The following PRKCB variants were observed in gnomAD, a reference collection of about 807,000 sequenced individuals.
PRKCB encodes protein kinase C beta type.
PRKCB carries 13 observed loss-of-function variants against 81.5 expected under a neutral mutation model. That is an observed-to-expected ratio of 0.16 (90% CI 0.10 to 0.25). The LOEUF (loss-of-function observed/expected upper bound fraction) is 0.25, where lower values mean the gene tolerates loss of function less well. PRKCB is among the 10% of genes least tolerant of loss of function. The pLI is 1.00. For synonymous variants in PRKCB, 335 were observed against 321.4 expected (o/e 1.04, Z -0.45); for missense variants, 509 against 875.7 (o/e 0.58, Z 5.29).
At chr16:23,981,725 T>C (rs1464353653) in intron 2 of PRKCB, among the ~76,000 whole-genome samples, 6 of 56,700 alleles carry the variant, frequency 1.1e-4, no homozygotes, top group Admixed American at 2.4e-4. Context: ...CCCTTCCCCT[T>C]CCCTTCCCCT....
chr16:24,134,239 TC>T (rs1966858165), intron 9 of PRKCB, among the ~76,000 whole-genome samples: 1 of 152,112 alleles, frequency 6.6e-6, no homozygotes, highest in African/African-American at 2.4e-5. Flanking sequence ...CTTTCTTTCT[TC>T]CTTCCTTCCC....
chr16:23,906,436 G>A (rs771746072), intron 2 of PRKCB, among the ~76,000 whole-genome samples: 23 of 151,944 alleles, frequency 1.5e-4, no homozygotes, highest in Non-Finnish European at 3.1e-4. Flanking sequence ...TATATATAAT[G>A]TAATTTATAA....
intron 3 of PRKCB, among the ~76,000 whole-genome samples, chr16:24,025,322 G>C (rs1205111441): frequency 6.6e-6 from 1 of 152,202 alleles, no homozygotes; most frequent in Non-Finnish European, 1.5e-5. Context: ...TCGTCTCTTA[G>C]TTCTTCGGTT....
chr16:23,851,436 G>A (rs766092143), intron 2 of PRKCB, among the ~76,000 whole-genome samples: 1 of 152,074 alleles, frequency 6.6e-6, no homozygotes, highest in African/African-American at 2.4e-5. Context: ...TGTTCCATTG[G>A]TTGATGCATC....
chr16:23,887,322 AG>A (rs1308668847), intron 2 of PRKCB, among the ~76,000 whole-genome samples: 1 of 152,188 alleles, frequency 6.6e-6, no homozygotes, highest in Non-Finnish European at 1.5e-5. Flanking sequence ...AGTACCCAGT[AG>A]GTAGTTTTTA....
intron 3 of PRKCB, among the ~76,000 whole-genome samples, chr16:24,003,361 A>G (rs1403537766): frequency 2.7e-5 from 4 of 149,316 alleles, no homozygotes; most frequent in Non-Finnish European, 5.9e-5. Flanking sequence ...ACCCTAGTGG[A>G]GGAATTAGCC....
intron 16 of PRKCB, among the ~76,000 whole-genome samples, chr16:24,204,660 T>C (rs979346255): frequency 2.6e-5 from 4 of 152,296 alleles, no homozygotes. Context: ...TTCATCTAGT[T>C]TCTTTTAAAA....
chr16:24,028,665 T>G (rs1041761322), intron 3 of PRKCB, among the ~76,000 whole-genome samples: 9 of 152,270 alleles, frequency 5.9e-5, no homozygotes, highest in Non-Finnish European at 1.2e-4. Context: ...TTCATTCCTT[T>G]TTACTGCTGA....
intron 2 of PRKCB, among the ~76,000 whole-genome samples, chr16:23,931,670 G>A (rs181812628): frequency 2.7e-4 from 41 of 152,232 alleles, no homozygotes; most frequent in African/African-American, 8.9e-4. Context: ...ACCGAGACGG[G>A]GAGGTCAGGT....
chr16:23,918,436 A>G (rs1213509402), intron 2 of PRKCB, among the ~76,000 whole-genome samples: 6 of 151,758 alleles, frequency 4.0e-5, no homozygotes. Flanking sequence ...TCACTCTGTC[A>G]CCCAAGTTGG....
At position 24,058,386 on chromosome 16, in the gene PRKCB, A is replaced by G. The variant is rs147625951; in HGVS notation, c.529+22839A>G. On this transcript the variant is annotated intron_variant, in intron 5 of 16. Transcript: ENST00000643927. ...GCACAATTGACATGTACAGATGCAC[A>G]ATTAGAGTTTGCTGAGTAAATGGCT... Among the ~76,000 whole-genome samples, 974 of 152,256 alleles carry G rather than the reference A, an allele frequency of 6.4e-3. 16 individuals carry two copies. Among genetic ancestry groups the G allele is most frequent in the African/African-American group, 0.023 (935 of 41,552 alleles).
chr16:24,091,946 A>C (rs1325602293), intron 5 of PRKCB, among the ~76,000 whole-genome samples: 6 of 152,164 alleles, frequency 3.9e-5, no homozygotes, highest in Non-Finnish European at 8.8e-5. Context: ...CATGGATAAT[A>C]GGTGTACCTT....
Position 24,020,977 on chromosome 16 carries a change from T to TTCTTTCTTTCC in PRKCB, c.289-11158_289-11157insCTTTCTTTCCT, listed in dbSNP as rs1965354047. 6.8e-3 allele frequency among the ~76,000 whole-genome samples: 121 copies of TTCTTTCTTTCC among 17,692 alleles called. 2 individuals carry two copies. Among genetic ancestry groups the TTCTTTCTTTCC allele is most frequent in the African/African-American group, 0.022 (107 of 4,782 alleles). The allele number at this position is 17,692 out of a possible 152,430, so 11.6% of individuals were successfully genotyped here. ...ATTCAGACTGAGAGAGACTTTTCTT[T>TTCTTTCTTTCC]TTCTTTCTTTCTTTCTTTCTTTCTT... On this transcript the variant is annotated intron_variant, in intron 3 of 16. Coordinates refer to ENST00000643927, the MANE Select transcript of PRKCB (RefSeq NM_002738.7).
At chr16:24,014,786 A>G (rs1376879152) in intron 3 of PRKCB, among the ~76,000 whole-genome samples, 1 of 152,112 alleles carries the variant, frequency 6.6e-6, no homozygotes, top group Non-Finnish European at 1.5e-5. Context: ...TAGTGTGATT[A>G]TTATTTCCTT....
At chr16:23,836,572 T>C (rs1260907493) in intron 1 of PRKCB, among the ~76,000 whole-genome samples, 5 of 150,526 alleles carry the variant, frequency 3.3e-5, no homozygotes, top group Non-Finnish European at 5.9e-5. Flanking sequence ...GGGCGCCTCC[T>C]GCCCTCTCCT....
intron 2 of PRKCB, among the ~76,000 whole-genome samples, chr16:23,912,399 A>G (rs1408328541): frequency 1.3e-5 from 2 of 150,434 alleles, no homozygotes; most frequent in Non-Finnish European, 2.9e-5. Context: ...CCCCTGTTCT[A>G]CTGAATCTTG....
At chr16:24,085,149 G>GA (rs11444083) in intron 5 of PRKCB, among the ~76,000 whole-genome samples, 107,456 of 138,072 alleles carry the variant, frequency 0.78, 41,595 homozygotes, top group Middle Eastern at 0.86. Context: ...TTGATGAAAT[G>GA]AAAAAAAAAA....
chr16:24,198,711 T>C (rs1967914288), intron 16 of PRKCB, among the ~76,000 whole-genome samples: 1 of 152,144 alleles, frequency 6.6e-6, no homozygotes, highest in Admixed American at 6.5e-5. Flanking sequence ...TAGTATTCTT[T>C]TAAAATATTA....
intron 7 of PRKCB, chr16:24,098,181 T>C (rs984023426): frequency 4.0e-5 from 6 of 151,812 alleles, no homozygotes; most frequent in African/African-American, 1.5e-4. Context: ...CCCAAAAGAG[T>C]TGTGTTAAAG....
Sources: allele counts gnomAD v4.1 joint callset (sites outside exome capture counted in the v4.1 genomes callset), GRCh38; gene constraint gnomAD v4.1.1; transcripts MANE v1.5; gene names NCBI Gene and HGNC (gene_info 2026-07-23, HGNC 2026-07-21).